The following FAM20B variants were observed in gnomAD, a reference collection of about 807,000 sequenced individuals.
FAM20B encodes the protein FAM20B glycosaminoglycan xylosylkinase.
In FAM20B, 23 loss-of-function variants were observed where a neutral mutation model predicts 43.8. The observed-to-expected ratio is 0.53, with a 90% CI of 0.38 to 0.74. FAM20B has a LOEUF of 0.74. Ranked by LOEUF, FAM20B falls within the 30% of genes least tolerant of loss-of-function variation. FAM20B has a pLI of 0.00. For synonymous variants in FAM20B, 178 were observed against 192.4 expected (o/e 0.93, Z 0.62); for missense variants, 440 against 510.5 (o/e 0.86, Z 1.33).
chr1:179,030,175 G>C (rs746867328), intron 1 of FAM20B, among the ~76,000 whole-genome samples: 1 of 152,130 alleles, frequency 6.6e-6, no homozygotes, highest in East Asian at 1.9e-4. Context: ...CCAAGTTTTA[G>C]GGTATGAACT....
At chr1:179,034,939 A>G (rs1366199050) in intron 1 of FAM20B, among the ~76,000 whole-genome samples, 1 of 152,224 alleles carries the variant, frequency 6.6e-6, no homozygotes, top group Non-Finnish European at 1.5e-5. Context: ...TACTTTTACC[A>G]TAACTTTCAC....
Position 179,074,936 on chromosome 1 carries a change from A to G in FAM20B, c.*2792A>G, listed in dbSNP as rs1652069525. The G allele has an allele frequency of 6.6e-6, 1 of 152,254 alleles. No individual in the cohort carries two copies. Among genetic ancestry groups the G allele is most frequent in the African/African-American group, 2.4e-5 (1 of 41,468 alleles). The allele number at this position is 152,254 out of a possible 1,614,324, so 9.4% of individuals were successfully genotyped here. On this transcript the variant is annotated 3_prime_UTR_variant, in exon 8 of 8. Coordinates refer to ENST00000263733, the MANE Select transcript of FAM20B (RefSeq NM_014864.4). ...CCGGGTGCCGTGGCTCATGCCTGTC[A>G]TCCCAGCATTTGGGAGGCTGAGGCA...
At chr1:179,040,613 C>A (rs1442683577) in intron 1 of FAM20B, among the ~76,000 whole-genome samples, 3 of 127,370 alleles carry the variant, frequency 2.4e-5, no homozygotes, top group African/African-American at 9.6e-5. Context: ...TAGGGGCGGC[C>A]GGGCAGAGGC....
At chr1:179,057,587 C>G (rs1000497440) in intron 4 of FAM20B, among the ~76,000 whole-genome samples, 11 of 152,178 alleles carry the variant, frequency 7.2e-5, no homozygotes, top group African/African-American at 2.7e-4. Context: ...TTAGAAGTGT[C>G]TAATGACTTT....
intron 4 of FAM20B, among the ~76,000 whole-genome samples, chr1:179,059,192 A>G (rs764957735): frequency 5.9e-5 from 9 of 152,216 alleles, no homozygotes; most frequent in African/African-American, 2.4e-5. Context: ...CCAGTTTTTA[A>G]AAGTTTGGCA....
chr1:179,066,730 G>T (rs1177587543), intron 6 of FAM20B, 70 bp from the exon 7 acceptor site: 6 of 996,736 alleles, frequency 6.0e-6, no homozygotes, highest in Non-Finnish European at 9.6e-6. Context: ...TATAGAATTT[G>T]CTATTGCTTT....
rs1487167130 is a variant in FAM20B, at chr1:179,072,715, A to C, written c.*571A>C. The stretch of plus-strand genomic sequence containing the variant: ...TGGAGGGAAGGACAAAAACAGAAAA[A>C]TGTTTGGGCTTTTAAGCCATTGGGT... On this transcript the variant is annotated 3_prime_UTR_variant, in exon 8 of 8. Coordinates refer to ENST00000263733, the MANE Select transcript of FAM20B (RefSeq NM_014864.4). 1 of 152,656 alleles carries C rather than the reference A, an allele frequency of 6.6e-6. No individual in the cohort carries two copies. The highest frequency in any genetic ancestry group is 2.4e-5 in the African/African-American group (1 of 41,458). 9.5% of individuals were successfully genotyped at this position (152,656 alleles called of 1,614,324 possible). A position where few individuals can be genotyped will look rare whatever the true frequency, so the allele number is the denominator to read the frequency against.
chr1:179,020,550 A>G, the FAM20B span, among the ~76,000 whole-genome samples: 2 of 152,208 alleles, frequency 1.3e-5, no homozygotes, highest in South Asian at 4.1e-4. Flanking sequence ...ATTAGATTGA[A>G]CTATATAAAA....
At chr1:179,033,458 C>G (rs147257197) in intron 1 of FAM20B, among the ~76,000 whole-genome samples, 13 of 152,248 alleles carry the variant, frequency 8.5e-5, no homozygotes, top group African/African-American at 2.9e-4. Flanking sequence ...TATGACCTAA[C>G]AATTTATCAA....
At chr1:179,026,950 A>AGTCTTAATGGAATTATTAGTC (rs1649816502) in intron 1 of FAM20B, among the ~76,000 whole-genome samples, 1 of 152,228 alleles carries the variant, frequency 6.6e-6, no homozygotes, top group Non-Finnish European at 1.5e-5. Context: ...GGGCTTGGTT[A>AGTCTTAATGGAATTATTAGTC]GTCTTAATGG....
At chr1:179,050,505 C>G in intron 3 of FAM20B, 140 bp downstream of exon 3, 1 of 603,646 alleles carries the variant, frequency 1.7e-6, no homozygotes, top group East Asian at 3.0e-5. Context: ...TTGACTAGTT[C>G]CATTAAACTT....
At chr1:179,059,610 G>A (rs1352042500) in intron 4 of FAM20B, among the ~76,000 whole-genome samples, 3 of 152,154 alleles carry the variant, frequency 2.0e-5, no homozygotes, top group African/African-American at 7.2e-5. Context: ...ATACCAGGCA[G>A]TATTTTGTTT....
In FAM20B at chr1:179,075,661, C is replaced by T. The variant is rs1652099561; in HGVS notation, c.*3517C>T. 1 of 152,386 alleles carries T rather than the reference C, an allele frequency of 6.6e-6. No individual in the cohort carries two copies. Among genetic ancestry groups the T allele is most frequent in the African/African-American group, 2.4e-5 (1 of 41,358 alleles). The allele number at this position is 152,386 out of a possible 1,614,324, so 9.4% of individuals were successfully genotyped here. ...AATTTAAGAAGGAAATGGAAGAATT[C>T]AGGTACATTAATTGCATATTATTTT... On this transcript the variant is annotated 3_prime_UTR_variant, in exon 8 of 8. Coordinates refer to ENST00000263733, the MANE Select transcript of FAM20B (RefSeq NM_014864.4).
chr1:179,023,536 C>T (rs1649640253), upstream of FAM20B, among the ~76,000 whole-genome samples: 1 of 152,218 alleles, frequency 6.6e-6, no homozygotes, highest in African/African-American at 2.4e-5. Flanking sequence ...AGGCTTTCTT[C>T]ATCTCTGCAT....
chr1:179,043,961 G>A lies in FAM20B; in HGVS notation c.114G>A (p.Gln38=). 1 of 1,614,186 alleles carries A rather than the reference G, an allele frequency of 6.2e-7. No individual in the cohort carries two copies. The change falls in exon 2 of 8, where the codon CAG becomes CAA. Residue 38 remains glutamine, a synonymous_variant. Transcript: ENST00000263733. ...CATCAGCTGCCAACCGGGAGGACCAGAGGGCCTTTCACCGAATGATGACTG... is the reference window on the plus strand; with the variant it reads ...CATCAGCTGCCAACCGGGAGGACCAAAGGGCCTTTCACCGAATGATGACTG... The part of the protein sequence containing the change: ...LDTSAANRED[Q]RAFHRMMTGL...
chr1:179,027,145 T>G (rs569081381), intron 1 of FAM20B, among the ~76,000 whole-genome samples: 31 of 151,988 alleles, frequency 2.0e-4, no homozygotes, highest in Non-Finnish European at 2.2e-4. Context: ...GAATGTGGGG[T>G]TTTTTTTAGC....
intron 2 of FAM20B, 34 bp downstream of exon 2, chr1:179,044,258 T>G: frequency 6.4e-7 from 1 of 1,558,870 alleles, no homozygotes; most frequent in South Asian, 1.2e-5. Context: ...CATGTGCTAG[T>G]TGGTTGATTC....
rs1387608737 is a variant in FAM20B, at chr1:179,035,989, G to C, written c.-133-7726G>C. ...TACTAAAAATACAAAAATTAGCCGG[G>C]TGTGATGGCAGACACCTGTAATCCC... is the stretch of plus-strand genomic sequence containing the variant. On this transcript the variant is annotated intron_variant, in intron 1 of 7. Transcript: ENST00000263733. 2.0e-5 allele frequency among the ~76,000 whole-genome samples: 3 copies of C among 152,260 alleles called. No homozygotes were observed. In the East Asian group the frequency reaches 5.8e-4, roughly 29 times the overall value.
chr1:179,031,965 C>T (rs1572527774), intron 1 of FAM20B, among the ~76,000 whole-genome samples: 1 of 152,276 alleles, frequency 6.6e-6, no homozygotes. Context: ...AACAGGTTGG[C>T]CAAATTAGTG....
Sources: gnomAD v4.1 joint callset for allele counts (sites outside exome capture counted in the v4.1 genomes callset) on GRCh38, gnomAD v4.1.1 for gene constraint, MANE v1.5 for transcripts, NCBI Gene and HGNC (gene_info 2026-07-23, HGNC 2026-07-21) for gene names.